Variants in OSMR observed in about 807,000 individuals in gnomAD.
The protein encoded by OSMR is oncostatin M receptor.
OSMR carries 81 observed loss-of-function variants against 99.9 expected under a neutral mutation model. That is an observed-to-expected ratio of 0.81 (90% CI 0.68 to 0.97). The LOEUF (loss-of-function observed/expected upper bound fraction) is 0.97, where lower values mean the gene tolerates loss of function less well. OSMR is among the 50% of genes least tolerant of loss of function. The pLI is 0.00. For missense variants in OSMR, 1,099 were observed against 1,153.4 expected (o/e 0.95, Z 0.68); for synonymous variants, 406 against 410.4 (o/e 0.99, Z 0.13).
chr5:38,869,360 G>C (rs1742194535), intron 2 of OSMR, among the ~76,000 whole-genome samples: 1 of 152,124 alleles, frequency 6.6e-6, no homozygotes, highest in African/African-American at 2.4e-5. Context: ...CAGTGCACTG[G>C]TCATTAGGGC....
chr5:38,935,262 A>ACAC lies in OSMR; in HGVS notation c.*1819_*1821dup, dbSNP rs1468384039. On this transcript the variant is annotated 3_prime_UTR_variant, in exon 18 of 18. Coordinates refer to ENST00000274276, the MANE Select transcript of OSMR (RefSeq NM_003999.3). Reference sequence around the variant, plus strand: ...CCAATGCCTTGCACTGTGCCATTCAACACTATGAAGAGAAACAAGTAGCCA... The same window carrying ACAC: ...CCAATGCCTTGCACTGTGCCATTCAACACCACTATGAAGAGAAACAAGTAGCCA... The ACAC allele has an allele frequency of 6.6e-6, 1 of 152,008 alleles. No homozygotes were observed. Among genetic ancestry groups the ACAC allele is most frequent in the Non-Finnish European group, 1.5e-5 (1 of 68,058 alleles). The allele number at this position is 152,008 out of a possible 1,614,324, so 9.4% of individuals were successfully genotyped here.
intron 1 of OSMR, among the ~76,000 whole-genome samples, chr5:38,862,218 G>A (rs547317185): frequency 2.6e-4 from 27 of 103,284 alleles, no homozygotes; most frequent in African/African-American, 9.7e-4. Flanking sequence ...CTCACCTCCC[G>A]GACGGGGCGG....
In OSMR at chr5:38,933,647, C is replaced by T. The variant is rs1239344; in HGVS notation, c.*203C>T. On this transcript the variant is annotated 3_prime_UTR_variant, in exon 18 of 18. Coordinates refer to ENST00000274276, the MANE Select transcript of OSMR (RefSeq NM_003999.3). ...CATTGGAGCAAGCTTGCCCTAGAGACGGCAGGATCATGGGAGCATGCTTAC... is the reference window on the plus strand; with the variant it reads ...CATTGGAGCAAGCTTGCCCTAGAGATGGCAGGATCATGGGAGCATGCTTAC... The T allele has an allele frequency of 0.44, 262,389 of 597,372 alleles. 58,650 individuals are homozygous for T. Among genetic ancestry groups the T allele is most frequent in the East Asian group, 0.61 (21,340 of 34,998 alleles). The allele number at this position is 597,372 out of a possible 1,614,324, so 37.0% of individuals were successfully genotyped here. A position where few individuals can be genotyped will look rare whatever the true frequency, so the allele number is the denominator to read the frequency against.
At chr5:38,866,813 A>G (rs1435829460) in intron 1 of OSMR, among the ~76,000 whole-genome samples, 1 of 152,086 alleles carries the variant, frequency 6.6e-6, no homozygotes, top group African/African-American at 2.4e-5. Flanking sequence ...AGGGCTGGCA[A>G]GGGTGGAGGG....
In OSMR at chr5:38,869,095, C is replaced by T. The variant is rs1202277508; in HGVS notation, c.51C>T (p.Ser17=). The change falls in exon 2 of 18, where the codon TCC becomes TCT. Residue 17 remains serine (S), a synonymous_variant. Transcript: ENST00000274276. ...FQTTFFLTLL[S]LRTYQSEVLA... ...CAACATTCTTCTTAACATTGCTGTCCTTGAGGACTTACCAGAGTGAAGGTA... is the reference window on the plus strand; with the variant it reads ...CAACATTCTTCTTAACATTGCTGTCTTTGAGGACTTACCAGAGTGAAGGTA... 1 of 1,612,406 alleles carries T rather than the reference C, an allele frequency of 6.2e-7. No homozygotes were observed. Among genetic ancestry groups the T allele is most frequent in the East Asian group, 2.2e-5 (1 of 44,856 alleles).
chr5:38,846,552 A>G (rs1262296949), intron 1 of OSMR, among the ~76,000 whole-genome samples, 165 bp downstream of exon 1: 1 of 152,036 alleles, frequency 6.6e-6, no homozygotes, highest in Non-Finnish European at 1.5e-5. Flanking sequence ...CTCTCTCCCA[A>G]CACATCGTGT....
chr5:38,857,826 C>T (rs929749388), intron 1 of OSMR, among the ~76,000 whole-genome samples: 1 of 152,072 alleles, frequency 6.6e-6, no homozygotes, highest in East Asian at 1.9e-4. Flanking sequence ...TGCCACCATG[C>T]CTGGCTAATT....
chr5:38,893,365 G>T (rs1274862822), intron 7 of OSMR, among the ~76,000 whole-genome samples: 1 of 152,142 alleles, frequency 6.6e-6, no homozygotes, highest in Admixed American at 6.5e-5. Flanking sequence ...GACAGATAAA[G>T]AATTTAAGGC....
chr5:38,906,691 TAAAG>T (rs1745257330), intron 9 of OSMR, among the ~76,000 whole-genome samples: 2 of 152,158 alleles, frequency 1.3e-5, no homozygotes, highest in Non-Finnish European at 2.9e-5. Context: ...ACCTTTAACT[TAAAG>T]TATAAAGTGT....
downstream of OSMR, chr5:38,945,156 A>C (rs1424315882): frequency 8.5e-6 from 8 of 945,108 alleles, no homozygotes; most frequent in Non-Finnish European, 1.1e-5. Context: ...AATAATATAA[A>C]ATAACATCTT....
chr5:38,866,780 A>G (rs528858092), intron 1 of OSMR, among the ~76,000 whole-genome samples: 2 of 152,276 alleles, frequency 1.3e-5, no homozygotes, highest in East Asian at 3.9e-4. Context: ...CACAGGCTCC[A>G]GAGAGCTCCC....
intron 9 of OSMR, 99 bp from the exon 10 acceptor site, chr5:38,917,447 A>G: frequency 6.5e-7 from 1 of 1,547,518 alleles, no homozygotes; most frequent in Non-Finnish European, 8.8e-7. Flanking sequence ...CTCAGGTTGG[A>G]CAGGTAATTG....
At chr5:38,922,601 A>G (rs1225224161) in intron 12 of OSMR, among the ~76,000 whole-genome samples, 1 of 152,170 alleles carries the variant, frequency 6.6e-6, no homozygotes, top group Non-Finnish European at 1.5e-5. Flanking sequence ...TCTTGCTTCA[A>G]AGAACACTGC....
At chr5:38,919,163 G>A in intron 11 of OSMR, 101 bp downstream of exon 11, 1 of 1,551,476 alleles carries the variant, frequency 6.4e-7, no homozygotes, top group Non-Finnish European at 8.7e-7. Flanking sequence ...AACTTAGGAA[G>A]ACAAAATGTC....
At chr5:38,937,158 C>T (rs1747087737), downstream of OSMR, among the ~76,000 whole-genome samples, 1 of 152,192 alleles carries the variant, frequency 6.6e-6, no homozygotes, top group African/African-American at 2.4e-5. The surrounding 1 kb of genome is among the most constrained non-coding windows in gnomAD (Gnocchi z 4.0). Context: ...CTCGGCCTCC[C>T]TGTAGCTGGG....
At chr5:38,852,272 C>T (rs1166468031) in intron 1 of OSMR, among the ~76,000 whole-genome samples, 1 of 152,174 alleles carries the variant, frequency 6.6e-6, no homozygotes, top group Non-Finnish European at 1.5e-5. Flanking sequence ...TTGCGTACAA[C>T]ATGTGCAATA....
At chr5:38,913,958 T>G (rs1429178204) in intron 9 of OSMR, among the ~76,000 whole-genome samples, 2 of 152,208 alleles carry the variant, frequency 1.3e-5, no homozygotes, top group African/African-American at 4.8e-5. Context: ...AGGAGCCTTC[T>G]TCACATGTCT....
At chr5:38,892,408 A>G (rs1476086341) in intron 7 of OSMR, among the ~76,000 whole-genome samples, 4 of 152,070 alleles carry the variant, frequency 2.6e-5, no homozygotes, top group African/African-American at 9.7e-5. Flanking sequence ...ACAGCACCTG[A>G]ACTCCAACCC....
chr5:38,868,365 TG>T (rs1055952242), intron 1 of OSMR, among the ~76,000 whole-genome samples: 8 of 152,178 alleles, frequency 5.3e-5, no homozygotes, highest in Admixed American at 1.3e-4. Flanking sequence ...TTCCAGTAGG[TG>T]ATACGGCTTG....
Sources: gnomAD v4.1 joint callset for allele counts (sites outside exome capture counted in the v4.1 genomes callset) on GRCh38, gnomAD v4.1.1 for gene constraint, Gnocchi (gnomAD v3.1) non-coding constraint, MANE v1.5 for transcripts, NCBI Gene and HGNC (gene_info 2026-07-23, HGNC 2026-07-21) for gene names.